The following RMDN2 variants were observed in gnomAD, a reference collection of about 807,000 sequenced individuals.
The protein encoded by RMDN2 is regulator of microtubule dynamics protein 2.
RMDN2 carries 61 observed loss-of-function variants against 52.8 expected under a neutral mutation model. That is an observed-to-expected ratio of 1.16 (90% CI 0.94 to 1.43). The LOEUF is 1.43. Among genes scored for constraint, RMDN2 ranks in the 40% most tolerant of loss-of-function variants. RMDN2 has a pLI of 0.00. For synonymous variants in RMDN2, 180 were observed against 153.1 expected (o/e 1.18, Z -1.30); for missense variants, 592 against 475.3 (o/e 1.25, Z -2.28).
chr2:38,058,404 TC>T (rs1681920540), intron 10 of RMDN2, among the ~76,000 whole-genome samples: 1 of 149,326 alleles, frequency 6.7e-6, no homozygotes, highest in African/African-American at 2.4e-5. Flanking sequence ...GAACTTTAAT[TC>T]CCAGCCTTGG....
chr2:38,054,796 C>T (rs888990349), intron 10 of RMDN2, among the ~76,000 whole-genome samples: 4 of 152,136 alleles, frequency 2.6e-5, no homozygotes, highest in Admixed American at 6.5e-5. Flanking sequence ...ACCCAGTGCA[C>T]GACTCTGGAC....
chr2:37,988,070 A>G (rs143748598), intron 5 of RMDN2, among the ~76,000 whole-genome samples: 1 of 152,138 alleles, frequency 6.6e-6, no homozygotes, highest in Non-Finnish European at 1.5e-5. Flanking sequence ...AAATAAATAA[A>G]TAATAGTGGG....
rs754477220 is a variant in RMDN2 at position 38,012,463 on chromosome 2, G to A, written c.1180-4723G>A. 20 of 380,626 alleles carry A rather than the reference G, an allele frequency of 5.3e-5. 1 individual carries two copies. The Middle Eastern group carries it at 1.4e-3, about 26-fold the overall frequency. The allele number at this position is 380,626 out of a possible 1,614,324, so 23.6% of individuals were successfully genotyped here. A position where few individuals can be genotyped will look rare whatever the true frequency, so the allele number is the denominator to read the frequency against. ...TAGAAAGAACCAAGGCATTAATATC[G>A]TACAAATAAAAATAATAGTGTCAAT... On this transcript the variant is annotated intron_variant, in intron 10 of 10. Coordinates refer to ENST00000354545, the MANE Select transcript of RMDN2 (RefSeq NM_001170791.3).
intron 5 of RMDN2, among the ~76,000 whole-genome samples, chr2:37,987,311 T>C (rs1036705934): frequency 1.3e-5 from 2 of 152,122 alleles, no homozygotes; most frequent in African/African-American, 4.8e-5. Flanking sequence ...AACAGGCGAA[T>C]GAATAAAACT....
At chr2:38,004,244 T>G in intron 10 of RMDN2, 28 bp downstream of exon 10, 1 of 1,491,546 alleles carries the variant, frequency 6.7e-7, no homozygotes. Flanking sequence ...CAGTGAGTGC[T>G]GTTGTCTTGT....
At chr2:37,942,800 A>G (rs1667906696) in intron 2 of RMDN2, among the ~76,000 whole-genome samples, 1 of 152,216 alleles carries the variant, frequency 6.6e-6, no homozygotes, top group South Asian at 2.1e-4. Context: ...TGTGGCAGGC[A>G]CTGTCTGAAC....
upstream of RMDN2, among the ~76,000 whole-genome samples, chr2:37,922,043 C>T (rs192908344): frequency 4.4e-4 from 67 of 152,284 alleles, 1 homozygote; most frequent in Admixed American, 3.9e-3. Flanking sequence ...TGCCTGTGCG[C>T]TTCTCCCTCT....
intron 3 of RMDN2, chr2:37,974,945 A>T: frequency 2.9e-6 from 1 of 346,110 alleles, no homozygotes; most frequent in Non-Finnish European, 5.2e-6. Flanking sequence ...GTGCCTATCA[A>T]ATCTCTTCTC....
intron 2 of RMDN2, among the ~76,000 whole-genome samples, chr2:37,933,178 G>T (rs1440247109): frequency 6.6e-6 from 1 of 152,026 alleles, no homozygotes; most frequent in Non-Finnish European, 1.5e-5. Flanking sequence ...ACGATGGGCG[G>T]CCGGGCAGAG....
rs192520774 is a variant in RMDN2 at position 37,998,043 on chromosome 2, G to A, written c.1044+529G>A. On this transcript the variant is annotated intron_variant, in intron 8 of 10. Coordinates refer to ENST00000354545, the MANE Select transcript of RMDN2 (RefSeq NM_001170791.3). ...CAATCCTGTCTTAAAATGTATAATC[G>A]CTGTACTATACAACTCTAAGCAGTA... is the stretch of plus-strand genomic sequence containing the variant. 22 of 160,180 alleles carry A rather than the reference G, an allele frequency of 1.4e-4. No homozygotes were observed. The East Asian group carries it at 3.4e-3, about 24-fold the overall frequency. The allele number at this position is 160,180 out of a possible 1,614,324, so 9.9% of individuals were successfully genotyped here.
intron 2 of RMDN2, among the ~76,000 whole-genome samples, chr2:37,931,183 C>G (rs979521161): frequency 2.0e-5 from 3 of 152,170 alleles, no homozygotes; most frequent in Admixed American, 6.5e-5. Flanking sequence ...TGGCTCTGCC[C>G]TATTTGAAAA....
chr2:37,995,053 A>G (rs768438316), intron 7 of RMDN2, among the ~76,000 whole-genome samples: 2 of 152,154 alleles, frequency 1.3e-5, no homozygotes, highest in African/African-American at 2.4e-5. Flanking sequence ...TGTACTATAT[A>G]TTGGTTGTTG....
intron 2 of RMDN2, among the ~76,000 whole-genome samples, chr2:37,968,823 A>T (rs1248267318): frequency 6.6e-6 from 1 of 152,250 alleles, no homozygotes; most frequent in Non-Finnish European, 1.5e-5. Context: ...TTGACATCAG[A>T]TAATCTATGA....
At chr2:38,033,362 T>C (rs989243766) in intron 10 of RMDN2, among the ~76,000 whole-genome samples, 2 of 152,146 alleles carry the variant, frequency 1.3e-5, no homozygotes, top group African/African-American at 2.4e-5. Context: ...ACCCACTCTA[T>C]AGAAAGTCAA....
rs757100532 is a variant in RMDN2, at chr2:37,951,195, T to C, written c.452+21466T>C. On this transcript the variant is annotated intron_variant, in intron 2 of 10. Coordinates refer to ENST00000354545, the MANE Select transcript of RMDN2 (RefSeq NM_001170791.3). The stretch of plus-strand genomic sequence containing the variant: ...CTTGGCAGGTCTCCACTCTGCTCCC[T>C]ATTTTTTTTCCTCATTTGACCCTTT... The C allele has an allele frequency of 2.0e-6, 3 of 1,515,866 alleles. No individual in the cohort carries two copies. In the African/African-American group the frequency reaches 4.2e-5, roughly 21 times the overall value. The allele number at this position is 1,515,866 out of a possible 1,614,324, so 93.9% of individuals were successfully genotyped here. A position where few individuals can be genotyped will look rare whatever the true frequency, so the allele number is the denominator to read the frequency against.
At chr2:37,948,917 G>A (rs1262034154) in intron 2 of RMDN2, among the ~76,000 whole-genome samples, 4 of 152,164 alleles carry the variant, frequency 2.6e-5, no homozygotes, top group African/African-American at 9.7e-5. Flanking sequence ...TTCCTTTGGG[G>A]TAGCTCAGTG....
rs1572674271 is a variant in RMDN2, at chr2:37,930,642, A to G, written c.452+913A>G. ...CTTTCTTGCAGGAAGCAGCCGTGCC[A>G]GAGGGCAGGGGACTAGGATCCTGGG... On this transcript the variant is annotated intron_variant, in intron 2 of 10. Transcript: ENST00000354545. 2.6e-5 allele frequency among the ~76,000 whole-genome samples: 4 copies of G among 152,300 alleles called. No homozygotes were observed. The East Asian group carries it at 7.7e-4, about 29-fold the overall frequency.
intron 10 of RMDN2, among the ~76,000 whole-genome samples, chr2:38,006,999 G>A (rs1161548528): frequency 6.6e-6 from 1 of 152,170 alleles, no homozygotes; most frequent in African/African-American, 2.4e-5. Context: ...TTATATGCTG[G>A]ATTACATTTA....
At chr2:38,053,196 A>C (rs12614965) in intron 10 of RMDN2, among the ~76,000 whole-genome samples, 43,440 of 152,074 alleles carry the variant, frequency 0.29, 8,916 homozygotes, top group East Asian at 0.79. Flanking sequence ...TTCTTACTCA[A>C]ATTATGATTT....
Sources: gnomAD v4.1 joint callset for allele counts (sites outside exome capture counted in the v4.1 genomes callset) on GRCh38, gnomAD v4.1.1 for gene constraint, MANE v1.5 for transcripts, NCBI Gene and HGNC (gene_info 2026-07-23, HGNC 2026-07-21) for gene names.